DHX34: variants seen among roughly 807,000 people sequenced by gnomAD.
The protein encoded by DHX34 is DExH-box helicase 34.
DHX34 carries 96 observed loss-of-function variants against 111.1 expected under a neutral mutation model. That is an observed-to-expected ratio of 0.86 (90% CI 0.73 to 1.02). The LOEUF is 1.02. Ranked by LOEUF, DHX34 falls within the 50% of genes least tolerant of loss-of-function variation. The pLI is 0.00. For synonymous variants in DHX34, 688 were observed against 670.4 expected (o/e 1.03, Z -0.41); for missense variants, 1,560 against 1,579.9 (o/e 0.99, Z 0.21).
rs571902778 is a variant in DHX34 at position 47,376,496 on chromosome 19, C to A, written c.2535C>A (p.Phe845Leu). ...CCGTGCTGCACCCCACCTGCGTCTTCGCTGGCAGCCCCGAGGTGCTGCACG... is the reference window on the plus strand; with the variant it reads ...CCGTGCTGCACCCCACCTGCGTCTTAGCTGGCAGCCCCGAGGTGCTGCACG... ...QGAVLHPTCV[F>L]AGSPEVLHAQ... Residue 845 changes from phenylalanine to leucine, a missense_variant, in exon 12 of 17, where the codon TTC becomes TTA. Coordinates refer to ENST00000328771, the MANE Select transcript of DHX34 (RefSeq NM_014681.6). 5.6e-6 allele frequency: 9 copies of A among 1,606,504 alleles called. No homozygotes were observed. The South Asian group carries it at 8.9e-5, about 16-fold the overall frequency.
intron 13 of DHX34, among the ~76,000 whole-genome samples, chr19:47,378,917 G>A (rs1348642181): frequency 3.3e-5 from 5 of 151,788 alleles, no homozygotes; most frequent in Non-Finnish European, 5.9e-5. Flanking sequence ...ATCAGTTGAG[G>A]CCAGGAGTTT....
In DHX34 at chr19:47,375,953, G is replaced by A. The variant is rs1970137927; in HGVS notation, c.2337G>A (p.Leu779=). The A allele has an allele frequency of 6.2e-7, 1 of 1,603,722 alleles. No individual in the cohort carries two copies. The highest frequency in any genetic ancestry group is 1.3e-5 in the African/African-American group (1 of 74,332). The part of the protein sequence containing the change: ...QDVKFKLRHD[L]AQLQAAASSA... ...TGAAGTTCAAGCTTCGGCATGACCTGGCGCAGCTGCAGGCCGCTGCCAGCT... is the reference window on the plus strand; with the variant it reads ...TGAAGTTCAAGCTTCGGCATGACCTAGCGCAGCTGCAGGCCGCTGCCAGCT... Residue 779 remains leucine (L), a synonymous_variant, in exon 11 of 17, where the codon CTG becomes CTA. Transcript: ENST00000328771.
chr19:47,357,518 T>A (rs375720859), intron 3 of DHX34, among the ~76,000 whole-genome samples: 31 of 152,068 alleles, frequency 2.0e-4, no homozygotes, highest in African/African-American at 7.2e-4. Context: ...TTTTTAATAG[T>A]CACAAGCAGT....
At position 47,353,723 on chromosome 19, in the gene DHX34, G is replaced by T. The variant is rs199814292; in HGVS notation, c.693G>T (p.Gln231His). 28 of 1,593,614 alleles carry T rather than the reference G, an allele frequency of 1.8e-5. No individual in the cohort carries two copies. The Admixed American group carries it at 3.8e-4, about 21-fold the overall frequency. ...GTGTGGGCTTTGAGAGCCTCAGTCA[G>T]TATGGCTCACAGGTGAGTGGGACGC... ...AKRVGFESLS[Q>H]YGSQVGYQIR... The change falls in exon 2 of 17, where the codon CAG becomes CAT. Residue 231 changes from glutamine (Q) to histidine (H), a missense_variant. By Grantham distance (24) the Gln-to-His change is conservative (BLOSUM62 0). Transcript: ENST00000328771. The surrounding 1 kb of genome is among the most constrained non-coding windows in gnomAD (Gnocchi z 4.6).
In DHX34 at chr19:47,355,291, T is replaced by G. The variant is rs1470074781; in HGVS notation, c.958T>G (p.Ser320Ala). ...MSATINISLF[S>A]SYFSNAPVVQ... ...GGCCACCATCAACATCTCGCTCTTC[T>G]CCAGCTATTTCAGCAATGCCCCTGT... The change falls in exon 3 of 17, where the codon TCC (serine) becomes GCC (alanine). Residue 320 changes from serine to alanine, a missense_variant. Transcript: ENST00000328771. 6.2e-7 allele frequency: 1 copy of G among 1,613,982 alleles called. No individual in the cohort carries two copies. Among genetic ancestry groups the G allele is most frequent in the Admixed American group, 1.7e-5 (1 of 59,982 alleles).
rs1969327199 is a variant in DHX34 at position 47,352,876 on chromosome 19, G to T, written c.-155G>T. Reference sequence around the variant, plus strand: ...TCTGGCCACTTTATCATCTGTGGTGGTCCTGTGCCGTGACCAGGAGGAAAA... The same window carrying T: ...TCTGGCCACTTTATCATCTGTGGTGTTCCTGTGCCGTGACCAGGAGGAAAA... On this transcript the variant is annotated 5_prime_UTR_variant, in exon 2 of 17. Coordinates refer to ENST00000328771, the MANE Select transcript of DHX34 (RefSeq NM_014681.6). 3.5e-6 allele frequency: 5 copies of T among 1,415,802 alleles called. No homozygotes were observed. The East Asian group carries it at 1.3e-4, about 36-fold the overall frequency. The allele number at this position is 1,415,802 out of a possible 1,614,324, so 87.7% of individuals were successfully genotyped here.
At chr19:47,364,629 G>A (rs753480755) in intron 6 of DHX34, among the ~76,000 whole-genome samples, 4 of 151,588 alleles carry the variant, frequency 2.6e-5, no homozygotes, top group African/African-American at 4.8e-5. Context: ...GTGGTCCCAC[G>A]CAGGAGGCTG....
At chr19:47,367,210 C>A in intron 7 of DHX34, 55 bp downstream of exon 7, 2 of 1,363,550 alleles carry the variant, frequency 1.5e-6, no homozygotes, top group South Asian at 3.7e-5. Context: ...GGTATGGGCA[C>A]AGCTCACTCT....
At chr19:47,368,242 T>A (rs1357972053) in intron 7 of DHX34, among the ~76,000 whole-genome samples, 1 of 144,490 alleles carries the variant, frequency 6.9e-6, no homozygotes, top group Non-Finnish European at 1.5e-5. Flanking sequence ...TGCAGTGGAG[T>A]GAGAGGGAGA....
intron 7 of DHX34, among the ~76,000 whole-genome samples, chr19:47,372,238 A>C (rs1356960356): frequency 6.6e-6 from 1 of 151,794 alleles, no homozygotes; most frequent in Admixed American, 6.6e-5. Context: ...CTGCAGGAGA[A>C]GATTCATCCT....
chr19:47,366,148 T>G (rs979103907), intron 6 of DHX34, among the ~76,000 whole-genome samples: 36 of 152,322 alleles, frequency 2.4e-4, no homozygotes, highest in Middle Eastern at 3.4e-3. Flanking sequence ...GGATTCTGAT[T>G]GGTCCAGCTC....
chr19:47,375,649 A>C lies in DHX34; in HGVS notation c.2248A>C (p.Ser750Arg). 6.4e-7 allele frequency: 1 copy of C among 1,555,570 alleles called. No homozygotes were observed. The highest frequency in any genetic ancestry group is 1.2e-5 in the South Asian group (1 of 85,788). ...GCAGGAGGAGCAGGACGGCGGCTCC[A>C]GTGACGAGGACAGGGCTGGCCCAGC... ...RLQEEQDGGS[S>R]DEDRAGPAPP... The change falls in exon 10 of 17, where the codon AGT becomes CGT. Residue 750 changes from serine to arginine, a missense_variant. Transcript: ENST00000328771.
chr19:47,381,346 C>G, intron 16 of DHX34, 22 bp downstream of exon 16: 1 of 1,603,622 alleles, frequency 6.2e-7, no homozygotes, highest in Non-Finnish European at 8.5e-7. Context: ...ACTGTGGGGA[C>G]CCGGCCACCT....
At chr19:47,379,225 T>G (rs769289236) in intron 13 of DHX34, among the ~76,000 whole-genome samples, 3 of 152,166 alleles carry the variant, frequency 2.0e-5, no homozygotes, top group Non-Finnish European at 2.9e-5. Context: ...GGAGCCCTCC[T>G]GTACCATCCC....
chr19:47,380,937 A>G lies in DHX34; in HGVS notation c.3104A>G (p.His1035Arg). The G allele has an allele frequency of 6.3e-7, 1 of 1,586,242 alleles. No homozygotes were observed. The highest frequency in any genetic ancestry group is 1.1e-5 in the South Asian group (1 of 88,552). ...TTTGGCAGCTCCACCCTGTCCCCCCACCCCACAAAGGGGGGCTACGCAGTC... is the reference window on the plus strand; with the variant it reads ...TTTGGCAGCTCCACCCTGTCCCCCCGCCCCACAAAGGGGGGCTACGCAGTC... ...GLFGSSTLSP[H>R]PTKGGYAVTD... Residue 1035 changes from histidine (H) to arginine (R), a missense_variant, in exon 15 of 17, where the codon CAC becomes CGC. Physicochemically the swap from His to Arg is conservative, Grantham distance 29. Coordinates refer to ENST00000328771, the MANE Select transcript of DHX34 (RefSeq NM_014681.6).
rs1411493407 is a variant in DHX34 at position 47,357,965 on chromosome 19, T to TCC, written c.1117_1118insCC (p.Tyr373SerfsTer84). On this transcript the variant is annotated frameshift_variant, in exon 4 of 17. Coordinates refer to ENST00000328771, the MANE Select transcript of DHX34 (RefSeq NM_014681.6). LOFTEE classifies it high-confidence loss of function. ...GGTGCTGGAGTCCATTGACCACAAG[T>TCC]ACCCGCCTGAGGAGCGGGGTGACCT... 8 of 1,613,918 alleles carry TCC rather than the reference T, an allele frequency of 5.0e-6. No individual in the cohort carries two copies. The Admixed American group carries it at 5.0e-5, about 10-fold the overall frequency.
chr19:47,370,902 G>C (rs917009504), intron 7 of DHX34, among the ~76,000 whole-genome samples: 1 of 152,188 alleles, frequency 6.6e-6, no homozygotes, highest in African/African-American at 2.4e-5. Context: ...TTGAACTCCT[G>C]ACCTCAAGTG....
chr19:47,351,441 G>C (rs570424057), intron 1 of DHX34, among the ~76,000 whole-genome samples: 1 of 152,206 alleles, frequency 6.6e-6, no homozygotes, highest in South Asian at 2.1e-4. Flanking sequence ...GCATTTTCTG[G>C]TGTAGCTGAG....
intron 14 of DHX34, 55 bp downstream of exon 14, chr19:47,380,040 C>A (rs934704294): frequency 4.5e-5 from 68 of 1,524,238 alleles, no homozygotes; most frequent in Non-Finnish European, 5.6e-5. Context: ...GCATCCGTCA[C>A]TGGGCTTGAG....
Sources: allele counts gnomAD v4.1 joint callset (sites outside exome capture counted in the v4.1 genomes callset), GRCh38; gene constraint gnomAD v4.1.1; non-coding constraint Gnocchi (gnomAD v3.1); transcripts MANE v1.5; gene names NCBI Gene and HGNC (gene_info 2026-07-23, HGNC 2026-07-21).